Variants in PKD1L3 observed in about 807,000 individuals in gnomAD.
PKD1L3 encodes polycystin-1-like protein 3.
A neutral mutation model predicts 184.1 loss-of-function variants in PKD1L3; 239 were observed. That is an observed-to-expected ratio of 1.30 (90% CI 1.17 to 1.45). The LOEUF is 1.45. Among genes scored for constraint, PKD1L3 ranks in the 40% most tolerant of loss-of-function variants. PKD1L3 has a pLI of 0.00. For synonymous variants in PKD1L3, 996 were observed against 778.8 expected, an observed-to-expected ratio of 1.28 and a Z score of -4.64; for missense variants, 2,660 against 2,067.2, an observed-to-expected ratio of 1.29 and a Z score of -5.56.
intron 13 of PKD1L3, among the ~76,000 whole-genome samples, chr16:71,968,210 G>T (rs2039574091): frequency 6.6e-6 from 1 of 152,170 alleles, no homozygotes; most frequent in Admixed American, 6.5e-5. Context: ...TCCAGGGCCT[G>T]TGCCTCTCAA....
At chr16:71,999,210 G>T (rs2040889448) in intron 1 of PKD1L3, among the ~76,000 whole-genome samples, 1 of 150,678 alleles carries the variant, frequency 6.6e-6, no homozygotes, top group Non-Finnish European at 1.5e-5. Context: ...GGCGGAGCTT[G>T]CAGTGAGCCA....
chr16:71,943,197 C>T (rs2038422975), intron 23 of PKD1L3, among the ~76,000 whole-genome samples, 173 bp from the exon 24 acceptor site: 1 of 152,034 alleles, frequency 6.6e-6, no homozygotes, highest in South Asian at 2.1e-4. Flanking sequence ...ACATTTCCTT[C>T]CCAGAATTAT....
chr16:71,976,957 A>G (rs2143692315), intron 11 of PKD1L3, among the ~76,000 whole-genome samples: 1 of 152,228 alleles, frequency 6.6e-6, no homozygotes, highest in Middle Eastern at 3.4e-3. Flanking sequence ...GTTAGCCAGG[A>G]TGGTCTCGAT....
intron 7 of PKD1L3, 121 bp from the exon 8 acceptor site, chr16:71,980,255 C>T (rs2040098018): frequency 7.8e-7 from 1 of 1,278,990 alleles, no homozygotes. Context: ...GGGTAGTATT[C>T]CTTAGAGAGG....
intron 10 of PKD1L3, among the ~76,000 whole-genome samples, chr16:71,977,984 G>A (rs1424273172): frequency 6.6e-6 from 1 of 151,842 alleles, no homozygotes; most frequent in East Asian, 1.9e-4. Context: ...ATGTTGGCCA[G>A]GCTGGTCTCG....
intron 16 of PKD1L3, 120 bp downstream of exon 16, chr16:71,963,085 G>C: frequency 9.1e-7 from 1 of 1,101,850 alleles, no homozygotes; most frequent in African/African-American, 1.6e-5. Context: ...TAATGCTTAT[G>C]TATGTTTGAA....
At position 71,935,474 on chromosome 16, in the gene PKD1L3, T is replaced by C. The variant is rs746488485; in HGVS notation, c.4497A>G (p.Lys1499=). The change falls in exon 26 of 30, where the codon AAA becomes AAG. Residue 1499 remains lysine, a synonymous_variant. Transcript: ENST00000620267. ...TTATACTTGTGTCCAGAATGTTTCT[T>C]TTCCCAGTGAAGAACCTCCACTTCT... ...KQQKWRFFTG[K]RNILDTSIIL... 1 of 1,552,232 alleles carries C rather than the reference T, an allele frequency of 6.4e-7. No individual in the cohort carries two copies. Among genetic ancestry groups the C allele is most frequent in the South Asian group, 1.2e-5 (1 of 84,054 alleles).
At position 71,933,904 on chromosome 16, in the gene PKD1L3, T is replaced by TG; in HGVS notation, c.4824+10dup. ...ACACGGAGAAGGAGAGACAGCAACG[T>TG]GGGGGCTTACGGCAATGGCATAGCC... On this transcript the variant is annotated intron_variant, in intron 27 of 29. Transcript: ENST00000620267. The TG allele has an allele frequency of 6.5e-7, 1 of 1,549,360 alleles. No homozygotes were observed. Among genetic ancestry groups the TG allele is most frequent in the Non-Finnish European group, 8.7e-7 (1 of 1,145,362 alleles).
At position 71,993,239 on chromosome 16, in the gene PKD1L3, A is replaced by C. The variant is rs2040660387; in HGVS notation, c.512T>G (p.Ile171Arg). The change falls in exon 3 of 30, where the codon ATA becomes AGA. Residue 171 changes from isoleucine to arginine, a missense_variant. Physicochemically the swap from Ile to Arg is moderately conservative, Grantham distance 97 (BLOSUM62 -3). Coordinates refer to ENST00000620267, the MANE Select transcript of PKD1L3 (RefSeq NM_181536.2). ...ACCTGGGGGCATTTTGTCTCTTGCTATTGCAACTCCTCTTTTTGTCTTCTT... is the reference window on the plus strand; with the variant it reads ...ACCTGGGGGCATTTTGTCTCTTGCTCTTGCAACTCCTCTTTTTGTCTTCTT... ...RHKKTKRGVA[I>R]ARDKMPPGPG... 1 of 1,549,068 alleles carries C rather than the reference A, an allele frequency of 6.5e-7. No individual in the cohort carries two copies. Among genetic ancestry groups the C allele is most frequent in the Non-Finnish European group, 8.7e-7 (1 of 1,145,794 alleles).
At chr16:71,986,610 A>C (rs1403678323) in intron 4 of PKD1L3, 141 bp from the exon 5 acceptor site, 17 of 976,062 alleles carry the variant, frequency 1.7e-5, no homozygotes, top group Admixed American at 3.1e-5. Flanking sequence ...TTCTGTGCTC[A>C]AACAGAATTT....
chr16:71,987,510 C>G (rs1238070548), intron 4 of PKD1L3, among the ~76,000 whole-genome samples: 9 of 152,112 alleles, frequency 5.9e-5, no homozygotes, highest in Non-Finnish European at 1.5e-5. Flanking sequence ...GTGGCTGGGA[C>G]TACAGGACCA....
rs1341448037 is a variant in PKD1L3, at chr16:71,967,287, C to A, written c.2315G>T (p.Gly772Val). 4.8e-5 allele frequency: 75 copies of A among 1,551,352 alleles called. 1 individual carries two copies. Among genetic ancestry groups the A allele is most frequent in the Admixed American group, 9.8e-5 (5 of 50,956 alleles). ...KVVITLYGSE[G>V]RSEPHHLCDP... ...ACAGAGGTGATGGGGCTCACTCCGT[C>A]CCTCTGATCCATAGAGGGTGATGAC... The change falls in exon 15 of 30, where the codon GGA becomes GTA. Residue 772 changes from glycine (G) to valine (V), a missense_variant. Transcript: ENST00000620267.
At chr16:71,998,454 T>C (rs2040865460) in intron 1 of PKD1L3, 60 bp from the exon 2 acceptor site, 3 of 1,512,714 alleles carry the variant, frequency 2.0e-6, no homozygotes, top group Admixed American at 2.5e-5. Context: ...TTAGGTTTAT[T>C]TTTTATTATT....
At chr16:71,998,163 C>T (rs2040856237) in intron 2 of PKD1L3, 109 bp downstream of exon 2, 2 of 1,406,410 alleles carry the variant, frequency 1.4e-6, no homozygotes, top group East Asian at 5.0e-5. Context: ...TGTATCATCC[C>T]ATGGTCTAAC....
intron 24 of PKD1L3, among the ~76,000 whole-genome samples, chr16:71,938,422 T>C (rs12926413): frequency 0.085 from 12,938 of 151,812 alleles, 767 homozygotes; most frequent in Middle Eastern, 0.14. Context: ...ATGGGTGACA[T>C]GGATGGCAGC....
chr16:71,954,787 A>T (rs8063207), intron 16 of PKD1L3, among the ~76,000 whole-genome samples: 5,639 of 152,334 alleles, frequency 0.037, 335 homozygotes, highest in African/African-American at 0.13. Context: ...GAGAAGCAGA[A>T]TGAGAAAACA....
chr16:71,984,913 G>A (rs1353383991), intron 5 of PKD1L3, among the ~76,000 whole-genome samples: 1 of 152,132 alleles, frequency 6.6e-6, no homozygotes, highest in Admixed American at 6.6e-5. Flanking sequence ...ATAGCAAGAG[G>A]TGGGAAGCAG....
intron 3 of PKD1L3, among the ~76,000 whole-genome samples, chr16:71,991,830 T>C (rs1449429600): frequency 6.6e-6 from 1 of 152,234 alleles, no homozygotes; most frequent in Non-Finnish European, 1.5e-5. Context: ...AAAAAACTTT[T>C]ACAAGCAATC....
chr16:71,987,660 C>T (rs1488338407), intron 4 of PKD1L3, among the ~76,000 whole-genome samples: 1 of 152,132 alleles, frequency 6.6e-6, no homozygotes, highest in African/African-American at 2.4e-5. Context: ...CAGGTGTGAG[C>T]CACTGCACCC....
Sources: gnomAD v4.1 joint callset for allele counts (sites outside exome capture counted in the v4.1 genomes callset) on GRCh38, gnomAD v4.1.1 for gene constraint, MANE v1.5 for transcripts, NCBI Gene and HGNC (gene_info 2026-07-23, HGNC 2026-07-21) for gene names.